The following CDH12 variants were observed in gnomAD, a reference collection of about 807,000 sequenced individuals.
CDH12 encodes the protein cadherin 12.
In CDH12, 41 loss-of-function variants were observed where a neutral mutation model predicts 74.1. That is an observed-to-expected ratio of 0.55 (90% confidence interval 0.43 to 0.72). The LOEUF is 0.72. Among genes scored for constraint, CDH12 ranks in the 30% least tolerant of loss-of-function variants. The pLI is 0.00. For synonymous variants in CDH12, 399 were observed against 355.0 expected (o/e 1.12, Z -1.39); for missense variants, 945 against 977.2 (o/e 0.97, Z 0.44).
chr5:22,257,595 G>A (rs930903086), intron 3 of CDH12, among the ~76,000 whole-genome samples: 4 of 151,896 alleles, frequency 2.6e-5, no homozygotes, highest in African/African-American at 9.7e-5. Flanking sequence ...TGCCTCCTGG[G>A]TTCAAGCAAT....
At chr5:21,893,475 T>C (rs1470603035) in intron 6 of CDH12, among the ~76,000 whole-genome samples, 1 of 152,210 alleles carries the variant, frequency 6.6e-6, no homozygotes, top group African/African-American at 2.4e-5. Context: ...TATTTGTGCA[T>C]CTTTTTCTTG....
chr5:21,759,655 A>G (rs1744603960), intron 13 of CDH12, among the ~76,000 whole-genome samples: 1 of 152,060 alleles, frequency 6.6e-6, no homozygotes, highest in South Asian at 2.1e-4. Flanking sequence ...TAATACCTGC[A>G]TTCTTTAAAT....
At chr5:22,342,529 T>TTCCC (rs1199027790) in intron 3 of CDH12, among the ~76,000 whole-genome samples, 3 of 145,868 alleles carry the variant, frequency 2.1e-5, no homozygotes, top group African/African-American at 5.1e-5. Flanking sequence ...CCTCCCTTCC[T>TTCCC]TCCCTCCCTC....
At chr5:22,338,184 A>G (rs2150451802) in intron 3 of CDH12, among the ~76,000 whole-genome samples, 1 of 152,360 alleles carries the variant, frequency 6.6e-6, no homozygotes, top group South Asian at 2.1e-4. Flanking sequence ...CCATCTACAG[A>G]TGAACTGATT....
At chr5:21,802,528 T>A in intron 9 of CDH12, 108 bp from the exon 10 acceptor site, 1 of 910,106 alleles carries the variant, frequency 1.1e-6, no homozygotes, top group Non-Finnish European at 1.7e-6. Flanking sequence ...TTATACTGGT[T>A]TAAAATTTTC....
intron 6 of CDH12, among the ~76,000 whole-genome samples, chr5:21,947,542 G>T (rs563547011): frequency 2.0e-5 from 3 of 152,186 alleles, no homozygotes; most frequent in Non-Finnish European, 4.4e-5. Flanking sequence ...GAGATCTGTG[G>T]AACTTTTAAT....
intron 5 of CDH12, among the ~76,000 whole-genome samples, chr5:22,075,432 G>A (rs1375184908): frequency 1.3e-5 from 2 of 151,722 alleles, no homozygotes; most frequent in Admixed American, 6.6e-5. Context: ...TGCACGTTGT[G>A]CACATGTACC....
At chr5:21,796,642 TA>T (rs1327538856) in intron 10 of CDH12, among the ~76,000 whole-genome samples, 2 of 152,062 alleles carry the variant, frequency 1.3e-5, no homozygotes, top group African/African-American at 4.8e-5. Flanking sequence ...TTAAATAATC[TA>T]TTTTTTTAAT....
intron 2 of CDH12, among the ~76,000 whole-genome samples, chr5:22,464,404 A>T (rs1331084416): frequency 2.0e-5 from 3 of 151,394 alleles, no homozygotes; most frequent in African/African-American, 7.3e-5. Flanking sequence ...TCTTTCCTCA[A>T]CTCTTCCTCA....
chr5:22,210,673 G>A (rs1475454060), intron 4 of CDH12, among the ~76,000 whole-genome samples: 3 of 151,902 alleles, frequency 2.0e-5, no homozygotes, highest in African/African-American at 7.3e-5. Context: ...ACACTTCAGT[G>A]GTCAATACAT....
At chr5:22,793,988 C>T (rs1581006479) in intron 1 of CDH12, among the ~76,000 whole-genome samples, 1 of 152,098 alleles carries the variant, frequency 6.6e-6, no homozygotes, top group Non-Finnish European at 1.5e-5. Context: ...TCCTATGTTG[C>T]ATCATATAAA....
chr5:22,808,687 C>G (rs1441281661), intron 1 of CDH12, among the ~76,000 whole-genome samples: 1 of 134,916 alleles, frequency 7.4e-6, no homozygotes, highest in Non-Finnish European at 1.5e-5. Context: ...CTCACTGCAA[C>G]TTCTGCTCCC....
At chr5:22,557,011 C>A (rs140572240) in intron 1 of CDH12, among the ~76,000 whole-genome samples, 2 of 152,072 alleles carry the variant, frequency 1.3e-5, no homozygotes, top group African/African-American at 2.4e-5. Flanking sequence ...CCCTCCAGTA[C>A]TTTTCTACTA....
chr5:21,914,883 G>A (rs1003595530), intron 6 of CDH12, among the ~76,000 whole-genome samples: 3 of 152,198 alleles, frequency 2.0e-5, no homozygotes, highest in African/African-American at 7.2e-5. Flanking sequence ...AGTTGGATGT[G>A]TGGTTGAAAT....
chr5:21,901,919 A>G (rs1222253445), intron 6 of CDH12, among the ~76,000 whole-genome samples: 1 of 77,986 alleles, frequency 1.3e-5, no homozygotes, highest in Non-Finnish European at 4.1e-5. Flanking sequence ...TTATTGTATA[A>G]CAGATACTCT....
intron 3 of CDH12, among the ~76,000 whole-genome samples, chr5:22,279,798 C>T (rs557177075): frequency 4.9e-4 from 75 of 152,192 alleles, no homozygotes; most frequent in Non-Finnish European, 9.4e-4. Flanking sequence ...TGGGTTGGTT[C>T]CAAGTCTTTG....
intron 1 of CDH12, among the ~76,000 whole-genome samples, chr5:22,770,404 T>C (rs1172845033): frequency 6.6e-6 from 1 of 152,146 alleles, no homozygotes; most frequent in African/African-American, 2.4e-5. Flanking sequence ...ATTGAGAATC[T>C]ATATATTTAT....
chr5:22,151,008 T>A (rs1170494577), intron 4 of CDH12, among the ~76,000 whole-genome samples: 1 of 152,170 alleles, frequency 6.6e-6, no homozygotes, highest in Non-Finnish European at 1.5e-5. Context: ...AATTGTTTAG[T>A]TAAGAAATGA....
chr5:22,254,499 C>A (rs11952194), intron 3 of CDH12, among the ~76,000 whole-genome samples: 59,333 of 151,122 alleles, frequency 0.39, 11,856 homozygotes, highest in East Asian at 0.49. Context: ...TTCTTTTGTA[C>A]CTTATTTCAA....
Sources: gnomAD v4.1 joint callset for allele counts (sites outside exome capture counted in the v4.1 genomes callset) on GRCh38, gnomAD v4.1.1 for gene constraint, MANE v1.5 for transcripts, NCBI Gene and HGNC (gene_info 2026-07-23, HGNC 2026-07-21) for gene names.